SGCZ: variants seen among roughly 807,000 people sequenced by gnomAD.
SGCZ encodes zeta-sarcoglycan.
Under a neutral mutation model 41.3 loss-of-function variants are expected in SGCZ, and 40 were observed. That is an observed-to-expected ratio of 0.97 (90% CI 0.75 to 1.26). The LOEUF is 1.26. SGCZ is among the 50% of genes most tolerant of loss of function. The probability of loss-of-function intolerance (pLI) is 0.00; values close to 1 mark genes in which losing one functional copy is unlikely to be tolerated. For missense variants in SGCZ, 552 were observed against 369.8 expected, an observed-to-expected ratio of 1.49 and a Z score of -4.04; for synonymous variants, 206 against 137.5, an observed-to-expected ratio of 1.50 and a Z score of -3.49.
intron 1 of SGCZ, among the ~76,000 whole-genome samples, chr8:14,941,405 A>T (rs1361690035): frequency 6.6e-6 from 1 of 152,160 alleles, no homozygotes; most frequent in African/African-American, 2.4e-5. Context: ...TCATACAGCG[A>T]AATATTACGT....
intron 4 of SGCZ, 109 bp from the exon 5 acceptor site, chr8:14,164,811 C>A: frequency 7.6e-7 from 1 of 1,321,094 alleles, no homozygotes; most frequent in South Asian, 1.5e-5. Flanking sequence ...TTGTTTATCT[C>A]TGCTGTATGT....
chr8:14,877,343 C>A lies in SGCZ; in HGVS notation c.40-322417G>T, dbSNP rs768914191. ...GGCTACATCATGTCTGACACCATTACGAAGAAAACAAATATTTAAAATAAT... is the reference window on the plus strand; with the variant it reads ...GGCTACATCATGTCTGACACCATTAAGAAGAAAACAAATATTTAAAATAAT... On this transcript the variant is annotated intron_variant, in intron 1 of 7. Coordinates refer to ENST00000382080, the MANE Select transcript of SGCZ (RefSeq NM_139167.4). Among the ~76,000 whole-genome samples, 6 of 152,000 alleles carry A rather than the reference C, an allele frequency of 3.9e-5. No individual in the cohort carries two copies. In the South Asian group the frequency reaches 1.0e-3, roughly 26 times the overall value.
chr8:14,411,548 C>T (rs1293471675), intron 2 of SGCZ, among the ~76,000 whole-genome samples: 3 of 152,038 alleles, frequency 2.0e-5, no homozygotes, highest in Admixed American at 2.0e-4. Context: ...TTCAAGCTGA[C>T]ATAGAGAAAT....
chr8:15,163,506 G>A lies in SGCZ; in HGVS notation c.39+74079C>T, dbSNP rs555629576. On this transcript the variant is annotated intron_variant, in intron 1 of 7. Transcript: ENST00000382080. ...TCCCTGTTTTGTTTTGTTATTGACTGTGTGGTTTCTTTTTTCTTCTTCATT... is the reference window on the plus strand; with the variant it reads ...TCCCTGTTTTGTTTTGTTATTGACTATGTGGTTTCTTTTTTCTTCTTCATT... Among the ~76,000 whole-genome samples, 7 of 152,278 alleles carry A rather than the reference G, an allele frequency of 4.6e-5. No homozygotes were observed. In the South Asian group the frequency reaches 1.4e-3, roughly 32 times the overall value.
intron 1 of SGCZ, among the ~76,000 whole-genome samples, chr8:15,099,814 T>A (rs562728616): frequency 2.5e-4 from 38 of 152,276 alleles, no homozygotes; most frequent in African/African-American, 8.7e-4. Context: ...AATAAATTAA[T>A]GTAATCTATC....
At chr8:14,974,864 GAAAAAAA>G (rs58302235) in intron 1 of SGCZ, among the ~76,000 whole-genome samples, 14 of 132,600 alleles carry the variant, frequency 1.1e-4, no homozygotes, top group East Asian at 6.9e-4. Context: ...GTGATTTTAG[GAAAAAAA>G]AAAAAAAAAA....
At chr8:14,753,778 A>C (rs1474932209) in intron 1 of SGCZ, among the ~76,000 whole-genome samples, 1 of 152,180 alleles carries the variant, frequency 6.6e-6, no homozygotes, top group African/African-American at 2.4e-5. Flanking sequence ...TTGCCCATAC[A>C]TGACAGCCAA....
intron 1 of SGCZ, among the ~76,000 whole-genome samples, chr8:15,068,773 T>A (rs150583240): frequency 6.6e-6 from 1 of 152,192 alleles, no homozygotes; most frequent in Admixed American, 6.5e-5. Context: ...CCTAATTTAA[T>A]AAATTCTCTC....
intron 3 of SGCZ, among the ~76,000 whole-genome samples, chr8:14,281,096 A>G (rs1800417084): frequency 6.6e-6 from 1 of 151,932 alleles, no homozygotes; most frequent in South Asian, 2.1e-4. Context: ...TGGAACAAAA[A>G]ATGTTTCAGT....
At chr8:15,153,963 G>C (rs1409908464) in intron 1 of SGCZ, among the ~76,000 whole-genome samples, 2 of 152,122 alleles carry the variant, frequency 1.3e-5, no homozygotes, top group African/African-American at 4.8e-5. Flanking sequence ...TCAGGCATTA[G>C]ATTCTCATAA....
At chr8:14,107,023 G>A (rs1299821462) in intron 6 of SGCZ, among the ~76,000 whole-genome samples, 1 of 151,830 alleles carries the variant, frequency 6.6e-6, no homozygotes, top group Admixed American at 6.6e-5. Context: ...GAGACTATCC[G>A]GAGCAACATG....
At chr8:14,527,594 T>A (rs1034624042) in intron 2 of SGCZ, among the ~76,000 whole-genome samples, 1 of 152,154 alleles carries the variant, frequency 6.6e-6, no homozygotes, top group Non-Finnish European at 1.5e-5. Flanking sequence ...CATGATGTCA[T>A]TGTCATTATG....
At chr8:14,441,980 T>A (rs1219015516) in intron 2 of SGCZ, among the ~76,000 whole-genome samples, 1 of 152,244 alleles carries the variant, frequency 6.6e-6, no homozygotes, top group Non-Finnish European at 1.5e-5. Flanking sequence ...CATTTCATAT[T>A]CTCTTACTTT....
chr8:14,209,592 T>A (rs749546786), intron 4 of SGCZ, among the ~76,000 whole-genome samples: 1 of 152,220 alleles, frequency 6.6e-6, no homozygotes, highest in Non-Finnish European at 1.5e-5. Context: ...TTTCGAAGAA[T>A]ATTTAATATA....
chr8:14,173,441 G>A (rs1462226789), intron 4 of SGCZ, among the ~76,000 whole-genome samples: 2 of 141,464 alleles, frequency 1.4e-5, no homozygotes, highest in Non-Finnish European at 3.1e-5. Context: ...GAAATGCATA[G>A]GGCTGAAAAA....
chr8:14,149,069 A>G (rs1803615198), intron 5 of SGCZ, among the ~76,000 whole-genome samples: 1 of 152,140 alleles, frequency 6.6e-6, no homozygotes, highest in South Asian at 2.1e-4. Context: ...AGACACCCAC[A>G]GCTAGTATCA....
At chr8:14,308,840 A>C (rs1050750305) in intron 3 of SGCZ, among the ~76,000 whole-genome samples, 3 of 152,160 alleles carry the variant, frequency 2.0e-5, no homozygotes, top group African/African-American at 7.2e-5. Context: ...AACAAAACTA[A>C]TGGGAAAGAA....
chr8:15,183,304 C>G (rs1182227657), intron 1 of SGCZ, among the ~76,000 whole-genome samples: 1 of 152,212 alleles, frequency 6.6e-6, no homozygotes, highest in Non-Finnish European at 1.5e-5. Context: ...GCTGGCAACA[C>G]AGTAGCTTTG....
chr8:14,200,510 C>A (rs1805418831), intron 4 of SGCZ, among the ~76,000 whole-genome samples: 1 of 152,182 alleles, frequency 6.6e-6, no homozygotes, highest in East Asian at 1.9e-4. Context: ...GACCAATCGA[C>A]CAATAGGATA....
Sources: gnomAD v4.1 joint callset for allele counts (sites outside exome capture counted in the v4.1 genomes callset) on GRCh38, gnomAD v4.1.1 for gene constraint, MANE v1.5 for transcripts, NCBI Gene and HGNC (gene_info 2026-07-23, HGNC 2026-07-21) for gene names.